The following TRABD2B variants were observed in gnomAD, a reference collection of about 807,000 sequenced individuals.
The protein encoded by TRABD2B is metalloprotease TIKI2.
Under a neutral mutation model 40.1 loss-of-function variants are expected in TRABD2B, and 14 were observed. That is an observed-to-expected ratio of 0.35 (90% CI 0.23 to 0.55). The LOEUF (loss-of-function observed/expected upper bound fraction) is 0.55, where lower values mean the gene tolerates loss of function less well. Among genes scored for constraint, TRABD2B ranks in the 20% least tolerant of loss-of-function variants. The pLI, the probability that TRABD2B is intolerant of heterozygous loss-of-function variation, is 0.90. For synonymous variants in TRABD2B, 263 were observed against 277.0 expected (o/e 0.95, Z 0.50); for missense variants, 541 against 648.6 (o/e 0.83, Z 1.80).
chr1:47,997,033 G>T lies in TRABD2B; in HGVS notation c.-244C>A. On this transcript the variant is annotated 5_prime_UTR_variant, in exon 1 of 7. Transcript: ENST00000606738. ...GCCCCTCCCCCGGGCGCTCAACCTC[G>T]CTGGCCGAGCCCCCGGGTGCTGAGG... 1 of 1,062,754 alleles carries T rather than the reference G, an allele frequency of 9.4e-7. No individual in the cohort carries two copies. The highest frequency in any genetic ancestry group is 1.1e-6 in the Non-Finnish European group (1 of 881,388). 65.8% of individuals were successfully genotyped at this position (1,062,754 alleles called of 1,614,324 possible).
At chr1:47,831,027 A>T (rs1023298032) in intron 2 of TRABD2B, among the ~76,000 whole-genome samples, 3 of 151,702 alleles carry the variant, frequency 2.0e-5, no homozygotes. Context: ...GGCCCGACTG[A>T]GCCACATTCC....
chr1:47,833,382 G>A (rs564059924), intron 2 of TRABD2B, among the ~76,000 whole-genome samples: 2 of 152,230 alleles, frequency 1.3e-5, no homozygotes, highest in Admixed American at 6.5e-5. Flanking sequence ...GCCTTGAAAA[G>A]AGGTTGAAAT....
intron 2 of TRABD2B, among the ~76,000 whole-genome samples, chr1:47,911,707 T>C (rs529929337): frequency 5.0e-4 from 76 of 152,372 alleles, no homozygotes; most frequent in African/African-American, 1.6e-3. Flanking sequence ...TCGTCTCCTC[T>C]ATCCCTGTGT....
intron 2 of TRABD2B, among the ~76,000 whole-genome samples, chr1:47,978,780 C>T (rs537208474): frequency 3.3e-5 from 5 of 152,304 alleles, no homozygotes; most frequent in African/African-American, 9.6e-5. Flanking sequence ...CGCTCCTCCC[C>T]GGTGCCCCAC....
At chr1:47,865,235 G>A (rs893218736) in intron 2 of TRABD2B, among the ~76,000 whole-genome samples, 22 of 152,200 alleles carry the variant, frequency 1.4e-4, no homozygotes, top group African/African-American at 3.4e-4. Context: ...CCTCCTCTCC[G>A]CTTGCAGCTG....
At chr1:47,861,588 G>A (rs1358630660) in intron 2 of TRABD2B, among the ~76,000 whole-genome samples, 2 of 152,152 alleles carry the variant, frequency 1.3e-5, no homozygotes, top group East Asian at 3.8e-4. Flanking sequence ...AATCTGAATA[G>A]GCCCATTTCT....
intron 2 of TRABD2B, among the ~76,000 whole-genome samples, chr1:47,916,160 G>A (rs1207276029): frequency 6.4e-5 from 9 of 139,906 alleles, no homozygotes; most frequent in Admixed American, 4.9e-4. Flanking sequence ...GGCGGGGGGC[G>A]GGGTTTGAGG....
chr1:47,959,897 G>GAC (rs199688433), intron 2 of TRABD2B, among the ~76,000 whole-genome samples: 1 of 152,074 alleles, frequency 6.6e-6, no homozygotes, highest in Non-Finnish European at 1.5e-5. Context: ...GCCTGGCAGA[G>GAC]ACACACACAC....
At chr1:47,882,092 G>A (rs10749872) in intron 2 of TRABD2B, among the ~76,000 whole-genome samples, 2 of 152,154 alleles carry the variant, frequency 1.3e-5, no homozygotes, top group African/African-American at 4.8e-5. Context: ...GCAGCAAGCA[G>A]GCAGGCAGGC....
intron 2 of TRABD2B, among the ~76,000 whole-genome samples, chr1:47,988,061 T>C (rs904872394): frequency 3.3e-5 from 5 of 152,030 alleles, no homozygotes; most frequent in Admixed American, 6.5e-5. Context: ...GGAGCGCACA[T>C]AGATCTGACA....
In TRABD2B at chr1:47,994,164, C is replaced by T. The variant is rs996951079; in HGVS notation, c.536G>A (p.Arg179His). ...MVNSLTERDVRFRGVPVLDLY... is the reference protein window; with the variant it reads ...MVNSLTERDVHFRGVPVLDLY... ...GTCGAGCACGGGCACACCACGGAAGCGCACGTCCCTCTCTGTGAGCGAGTT... is the reference window on the plus strand; with the variant it reads ...GTCGAGCACGGGCACACCACGGAAGTGCACGTCCCTCTCTGTGAGCGAGTT... Residue 179 changes from arginine to histidine, a missense_variant, in exon 2 of 7, where the codon CGC becomes CAC. By Grantham distance (29) the Arg-to-His change is conservative. Around this residue, in one of 2 missense-constraint regions of TRABD2B, gnomAD observed 369 missense variants for 492.8 expected, o/e 0.75. Transcript: ENST00000606738. This position sits in a 1 kb window ranked among gnomAD's most constrained non-coding sequence, Gnocchi z 6.7. 8 of 1,536,864 alleles carry T rather than the reference C, an allele frequency of 5.2e-6. No individual in the cohort carries two copies. The highest frequency in any genetic ancestry group is 1.4e-5 in the African/African-American group (1 of 73,080).
chr1:47,858,656 C>T (rs768673274), intron 2 of TRABD2B, among the ~76,000 whole-genome samples: 4 of 152,296 alleles, frequency 2.6e-5, no homozygotes, highest in Non-Finnish European at 5.9e-5. Context: ...TCCAAGTTTC[C>T]CACAGCTTAC....
chr1:47,916,638 T>A (rs1032810284), intron 2 of TRABD2B, among the ~76,000 whole-genome samples: 5 of 152,190 alleles, frequency 3.3e-5, no homozygotes, highest in Non-Finnish European at 7.3e-5. Flanking sequence ...TTCTGCACAT[T>A]GGCTGAATGA....
At chr1:47,808,781 T>C (rs1196896368) in intron 2 of TRABD2B, among the ~76,000 whole-genome samples, 1 of 152,164 alleles carries the variant, frequency 6.6e-6, no homozygotes, top group East Asian at 1.9e-4. Context: ...TTCTTTCTGC[T>C]GTCCCTGGTC....
chr1:47,841,772 T>A (rs1320072024), intron 2 of TRABD2B, among the ~76,000 whole-genome samples: 2 of 148,410 alleles, frequency 1.3e-5, no homozygotes, highest in Admixed American at 6.8e-5. Context: ...ACCTTCTCCT[T>A]TTCTTTTCTT....
intron 6 of TRABD2B, among the ~76,000 whole-genome samples, chr1:47,771,605 AAGG>A (rs1644378331): frequency 6.6e-6 from 1 of 152,214 alleles, no homozygotes; most frequent in Non-Finnish European, 1.5e-5. Context: ...GGAGAAACAG[AAGG>A]AGTAGTACAG....
rs377104157 is a variant in TRABD2B, at chr1:47,879,797, GGGAGACCCCAGAGTCC to G, written c.667-78194_667-78179del. On this transcript the variant is annotated intron_variant, in intron 2 of 6. Coordinates refer to ENST00000606738, the MANE Select transcript of TRABD2B (RefSeq NM_001194986.2). ...CCAAGAAGGGCCAGAAGTGAGAGTG[GGGAGACCCCAGAGTCC>G]AAATGGTTGATGCAGTGTAGGGCTG... is the stretch of plus-strand genomic sequence containing the variant. Among the ~76,000 whole-genome samples, 896 of 152,334 alleles carry G rather than the reference GGGAGACCCCAGAGTCC, an allele frequency of 5.9e-3. 6 individuals carry two copies. The highest frequency in any genetic ancestry group is 0.02 in the African/African-American group (841 of 41,564).
intron 2 of TRABD2B, among the ~76,000 whole-genome samples, chr1:47,900,672 C>T (rs1326734391): frequency 1.3e-5 from 2 of 152,040 alleles, no homozygotes; most frequent in Non-Finnish European, 2.9e-5. Flanking sequence ...GCTAAATGAA[C>T]GAAGTAAAAA....
intron 2 of TRABD2B, among the ~76,000 whole-genome samples, chr1:47,888,527 C>T (rs1184084691): frequency 6.6e-6 from 1 of 152,220 alleles, no homozygotes; most frequent in Non-Finnish European, 1.5e-5. Flanking sequence ...TCGCTACCTC[C>T]TGTCCCTTCT....
Sources: gnomAD v4.1 joint callset for allele counts (sites outside exome capture counted in the v4.1 genomes callset) on GRCh38, gnomAD v4.1.1 for gene constraint, gnomAD v4.1.1 regional missense constraint, Gnocchi (gnomAD v3.1) non-coding constraint, MANE v1.5 for transcripts, NCBI Gene and HGNC (gene_info 2026-07-23, HGNC 2026-07-21) for gene names.